Variants in SPNS3 observed in about 807,000 individuals in gnomAD.
SPNS3 encodes the protein protein spinster homolog 3.
In SPNS3, 51 loss-of-function variants were observed where a neutral mutation model predicts 54.4. That is an observed-to-expected ratio of 0.94 (90% CI 0.75 to 1.18). The LOEUF is 1.18. Ranked by LOEUF, SPNS3 falls within the 50% of genes most tolerant of loss-of-function variation. The pLI is 0.00. For missense variants in SPNS3, 669 were observed against 677.4 expected (o/e 0.99, Z 0.14); for synonymous variants, 309 against 294.7 (o/e 1.05, Z -0.50).
At chr17:4,479,938 C>T (rs1240101535) in intron 9 of SPNS3, among the ~76,000 whole-genome samples, 7 of 152,328 alleles carry the variant, frequency 4.6e-5, no homozygotes, top group Middle Eastern at 3.4e-3. Flanking sequence ...CACAGCAATC[C>T]GGAATTTTCC....
intron 8 of SPNS3, among the ~76,000 whole-genome samples, chr17:4,460,812 C>G (rs1051490383): frequency 1.3e-5 from 2 of 152,034 alleles, no homozygotes; most frequent in African/African-American, 2.4e-5. Context: ...AGATATTGGT[C>G]TGCAGTTTTC....
At chr17:4,441,303 G>T (rs1970840638) in intron 2 of SPNS3, among the ~76,000 whole-genome samples, 1 of 152,132 alleles carries the variant, frequency 6.6e-6, no homozygotes, top group African/African-American at 2.4e-5. Flanking sequence ...CGGGAGAATA[G>T]CTTGAGCCCA....
chr17:4,441,801 G>GT (rs1266141813), intron 2 of SPNS3, among the ~76,000 whole-genome samples: 1 of 151,098 alleles, frequency 6.6e-6, no homozygotes, highest in Non-Finnish European at 1.5e-5. Context: ...GGGTGTGTTG[G>GT]GGGGGGTCTC....
At chr17:4,477,032 C>T (rs1014146778) in intron 8 of SPNS3, among the ~76,000 whole-genome samples, 4 of 152,196 alleles carry the variant, frequency 2.6e-5, no homozygotes, top group Non-Finnish European at 4.4e-5. Flanking sequence ...TGTCCAGGGG[C>T]CCCCTGCCCA....
chr17:4,454,741 C>A (rs1485529575), intron 8 of SPNS3, among the ~76,000 whole-genome samples: 4 of 150,116 alleles, frequency 2.7e-5, no homozygotes, highest in African/African-American at 9.8e-5. Context: ...CTGACTCAGT[C>A]TCCCAAGTAG....
chr17:4,472,093 A>G (rs1971870703), intron 8 of SPNS3, among the ~76,000 whole-genome samples: 1 of 152,088 alleles, frequency 6.6e-6, no homozygotes, highest in African/African-American at 2.4e-5. Flanking sequence ...TCCTGACCTC[A>G]AGTGATCCAC....
At chr17:4,475,551 G>A (rs997195993) in intron 8 of SPNS3, among the ~76,000 whole-genome samples, 2 of 152,254 alleles carry the variant, frequency 1.3e-5, no homozygotes, top group African/African-American at 4.8e-5. Flanking sequence ...GGGAGCAGGT[G>A]CTATTCCTGA....
At chr17:4,476,645 C>T (rs1972009350) in intron 8 of SPNS3, among the ~76,000 whole-genome samples, 1 of 152,166 alleles carries the variant, frequency 6.6e-6, no homozygotes, top group African/African-American at 2.4e-5. Context: ...TGTGGATCCG[C>T]AGCTGCCCGG....
intron 8 of SPNS3, among the ~76,000 whole-genome samples, chr17:4,473,460 A>G: frequency 6.7e-6 from 1 of 148,830 alleles, no homozygotes; most frequent in East Asian, 2.0e-4. Context: ...TGCAGGTGCG[A>G]TCTGTCAACC....
chr17:4,475,355 C>T (rs1440317108), intron 8 of SPNS3, among the ~76,000 whole-genome samples: 1 of 152,140 alleles, frequency 6.6e-6, no homozygotes, highest in East Asian at 1.9e-4. Flanking sequence ...GATGGTGGGG[C>T]CTGGGAAACT....
chr17:4,482,367 G>A (rs1252587987), intron 9 of SPNS3: 1 of 152,214 alleles, frequency 6.6e-6, no homozygotes, highest in Non-Finnish European at 1.5e-5. Context: ...GTCTGATTCA[G>A]TGGGTCCGTG....
chr17:4,454,359 C>A (rs1191648796), intron 8 of SPNS3, among the ~76,000 whole-genome samples: 2 of 152,252 alleles, frequency 1.3e-5, no homozygotes, highest in Non-Finnish European at 1.5e-5. Flanking sequence ...CTAGACCTCT[C>A]CTCCTTTCCC....
intron 8 of SPNS3, among the ~76,000 whole-genome samples, chr17:4,474,473 G>T (rs1048554274): frequency 1.3e-5 from 2 of 152,136 alleles, no homozygotes; most frequent in South Asian, 2.1e-4. Context: ...CTCCCTTCTC[G>T]GTGGGCCCAG....
chr17:4,468,525 C>T (rs1178448211), intron 8 of SPNS3, among the ~76,000 whole-genome samples: 1 of 151,770 alleles, frequency 6.6e-6, no homozygotes, highest in African/African-American at 2.4e-5. Context: ...AGGTTTTTGC[C>T]CTGAGCAGCT....
intron 2 of SPNS3, among the ~76,000 whole-genome samples, chr17:4,443,101 C>G (rs1366372614): frequency 6.6e-6 from 1 of 151,754 alleles, no homozygotes; most frequent in African/African-American, 2.4e-5. Flanking sequence ...GAGAGACTCT[C>G]GCTCTGTCAC....
chr17:4,442,153 A>G (rs996303293), intron 2 of SPNS3, among the ~76,000 whole-genome samples: 1 of 152,040 alleles, frequency 6.6e-6, no homozygotes, highest in African/African-American at 2.4e-5. Flanking sequence ...TTTTCCGGTT[A>G]CCGTGCTATG....
At chr17:4,464,424 G>A (rs1036451955) in intron 8 of SPNS3, among the ~76,000 whole-genome samples, 8 of 152,174 alleles carry the variant, frequency 5.3e-5, no homozygotes, top group Admixed American at 1.3e-4. Context: ...GTGGCTGAAC[G>A]TCGGCTATCC....
chr17:4,434,104 TG>T lies in SPNS3; in HGVS notation c.139del (p.Ala47LeufsTer11). 1 of 1,612,552 alleles carries T rather than the reference TG, an allele frequency of 6.2e-7. No homozygotes were observed. Among genetic ancestry groups the T allele is most frequent in the Non-Finnish European group, 8.5e-7 (1 of 1,179,380 alleles). Reference protein sequence around the residue: ...SWSLPPWRAYVAAAVLCYINL... With the variant: ...SWSLPPWRAYXAAAVLCYINL... ...AGCCTGCCCCCGTGGAGGGCCTACGTGGCTGCCGCCGTCCTCTGCTACATCA... is the reference window on the plus strand; with the variant it reads ...AGCCTGCCCCCGTGGAGGGCCTACGTGCTGCCGCCGTCCTCTGCTACATCA... On this transcript the variant is annotated frameshift_variant, in exon 1 of 12. Transcript: ENST00000355530. LOFTEE classifies it high-confidence loss of function.
At chr17:4,446,315 C>T in intron 4 of SPNS3, 116 bp downstream of exon 4, 8 of 1,108,998 alleles carry the variant, frequency 7.2e-6, no homozygotes, top group South Asian at 3.2e-5. Flanking sequence ...GATTTGAGTC[C>T]CAATGCTACC....
Sources: allele counts gnomAD v4.1 joint callset (sites outside exome capture counted in the v4.1 genomes callset), GRCh38; gene constraint gnomAD v4.1.1; transcripts MANE v1.5; gene names NCBI Gene and HGNC (gene_info 2026-07-23, HGNC 2026-07-21).